Variants in ALG5 observed in about 807,000 individuals in gnomAD.
ALG5 encodes ALG5 dolichyl-phosphate beta-glucosyltransferase, also known as dolichyl-phosphate beta-glucosyltransferase.
Under a neutral mutation model 51.8 loss-of-function variants are expected in ALG5, and 26 were observed. That is an observed-to-expected ratio of 0.50 (90% CI 0.37 to 0.70). ALG5 has a LOEUF of 0.70. Among genes scored for constraint, ALG5 ranks in the 30% least tolerant of loss-of-function variants. The probability of loss-of-function intolerance (pLI) is 0.00; values close to 1 mark genes in which losing one functional copy is unlikely to be tolerated. For missense variants in ALG5, 311 were observed against 399.3 expected (o/e 0.78, Z 1.88); for synonymous variants, 141 against 136.1 (o/e 1.04, Z -0.25).
chr13:36,981,814 G>A (rs1001113447), intron 6 of ALG5, among the ~76,000 whole-genome samples: 2 of 152,184 alleles, frequency 1.3e-5, no homozygotes, highest in African/African-American at 2.4e-5. Context: ...TGGGCCAGGC[G>A]CAGTGGTTCA....
intron 6 of ALG5, among the ~76,000 whole-genome samples, chr13:36,980,942 C>A (rs2058976657): frequency 1.3e-5 from 2 of 151,950 alleles, no homozygotes; most frequent in Non-Finnish European, 2.9e-5. Context: ...CCACTGCACT[C>A]CAACCCAGGT....
chr13:36,987,224 A>G (rs2059005882), intron 5 of ALG5, among the ~76,000 whole-genome samples: 1 of 152,120 alleles, frequency 6.6e-6, no homozygotes, highest in African/African-American at 2.4e-5. Context: ...CAAACTCAAC[A>G]TAACTGCCTC....
At chr13:36,981,812 G>C (rs904138359) in intron 6 of ALG5, among the ~76,000 whole-genome samples, 13 of 152,214 alleles carry the variant, frequency 8.5e-5, no homozygotes, top group African/African-American at 3.1e-4. Context: ...ACTGGGCCAG[G>C]CGCAGTGGTT....
intron 1 of ALG5, among the ~76,000 whole-genome samples, chr13:36,996,163 C>T (rs1240379964): frequency 2.0e-5 from 3 of 152,148 alleles, no homozygotes; most frequent in African/African-American, 2.4e-5. Context: ...ACACTTAACT[C>T]GAATTTGAAT....
At chr13:36,954,096 G>A (rs1468063557) in intron 8 of ALG5, among the ~76,000 whole-genome samples, 1 of 151,260 alleles carries the variant, frequency 6.6e-6, no homozygotes, top group South Asian at 2.1e-4. Flanking sequence ...AGGGTTTTTC[G>A]GTTTGTTTTA....
chr13:36,969,854 GA>G (rs1386205246), intron 7 of ALG5, among the ~76,000 whole-genome samples: 1 of 151,974 alleles, frequency 6.6e-6, no homozygotes, highest in Non-Finnish European at 1.5e-5. Flanking sequence ...TTTCAACACA[GA>G]TAACTGTATT....
chr13:36,967,282 T>C (rs1280209541), intron 7 of ALG5, among the ~76,000 whole-genome samples: 1 of 151,696 alleles, frequency 6.6e-6, no homozygotes, highest in Non-Finnish European at 1.5e-5. Flanking sequence ...AGGAGGCCTA[T>C]ATTGGAATCC....
intron 6 of ALG5, among the ~76,000 whole-genome samples, chr13:36,978,089 T>C (rs1401184397): frequency 1.3e-5 from 2 of 151,230 alleles, no homozygotes; most frequent in East Asian, 2.0e-4. Flanking sequence ...GGTTTCACCA[T>C]GTTAGCCAGG....
intron 5 of ALG5, 134 bp from the exon 6 acceptor site, chr13:36,985,874 C>T (rs1254612157): frequency 7.9e-6 from 4 of 509,442 alleles, no homozygotes; most frequent in Non-Finnish European, 1.4e-5. Context: ...GGCCAGAGTT[C>T]ACTGAAAACA....
At chr13:36,974,018 T>C (rs934323496) in intron 6 of ALG5, among the ~76,000 whole-genome samples, 4 of 152,218 alleles carry the variant, frequency 2.6e-5, no homozygotes, top group Admixed American at 2.0e-4. Flanking sequence ...AAAATGACTT[T>C]CATAGAGTTT....
At chr13:36,980,384 G>A (rs1008930024) in intron 6 of ALG5, among the ~76,000 whole-genome samples, 3 of 151,872 alleles carry the variant, frequency 2.0e-5, no homozygotes, top group African/African-American at 4.8e-5. Context: ...ACAGGTGTGC[G>A]CTACGACACC....
intron 6 of ALG5, among the ~76,000 whole-genome samples, chr13:36,975,003 GAT>G (rs2058943570): frequency 6.6e-6 from 1 of 152,156 alleles, no homozygotes; most frequent in African/African-American, 2.4e-5. Flanking sequence ...ACAAGATCAA[GAT>G]ATCCAGATCA....
rs770743615 is a variant in ALG5, at chr13:36,999,216, T to C, written c.66+19A>G. 37 of 1,556,394 alleles carry C rather than the reference T, an allele frequency of 2.4e-5. No homozygotes were observed. Among genetic ancestry groups the C allele is most frequent in the Non-Finnish European group, 2.9e-5 (34 of 1,153,016 alleles). The stretch of plus-strand genomic sequence containing the variant: ...AGCGGTAAGCCCCGGCCTGCGCGGG[T>C]TCCCATCCCTGTTCTCACCAGTACG... On this transcript the variant is annotated intron_variant, in intron 1 of 9. Coordinates refer to ENST00000239891, the MANE Select transcript of ALG5 (RefSeq NM_013338.5).
At chr13:36,993,701 A>G in intron 3 of ALG5, 29 bp from the exon 4 acceptor site, 2 of 1,591,128 alleles carry the variant, frequency 1.3e-6, no homozygotes, top group South Asian at 1.1e-5. Flanking sequence ...AAGTAATACA[A>G]TTTGGCATAA....
intron 7 of ALG5, among the ~76,000 whole-genome samples, chr13:36,966,605 G>T (rs2058894665): frequency 6.6e-6 from 1 of 152,164 alleles, no homozygotes; most frequent in African/African-American, 2.4e-5. Flanking sequence ...AAATTCCTGG[G>T]ATCAAGTGAT....
At chr13:36,958,530 C>A (rs1054989475) in intron 8 of ALG5, among the ~76,000 whole-genome samples, 1 of 152,114 alleles carries the variant, frequency 6.6e-6, no homozygotes, top group African/African-American at 2.4e-5. Context: ...TTGATGGCAT[C>A]GAAGGCACCC....
intron 6 of ALG5, among the ~76,000 whole-genome samples, chr13:36,972,250 T>G (rs997464926): frequency 5.9e-5 from 9 of 152,152 alleles, no homozygotes; most frequent in African/African-American, 1.7e-4. Context: ...TAGAGCTAAA[T>G]ATAAGGGGCA....
intron 1 of ALG5, among the ~76,000 whole-genome samples, chr13:36,997,696 T>C (rs2059057970): frequency 1.3e-5 from 2 of 152,116 alleles, no homozygotes; most frequent in Admixed American, 6.6e-5. Context: ...GACCACTTTA[T>C]TGTGGTATTT....
intron 6 of ALG5, among the ~76,000 whole-genome samples, chr13:36,978,772 C>T (rs893457253): frequency 6.0e-5 from 9 of 151,246 alleles, no homozygotes; most frequent in Non-Finnish European, 1.0e-4. Context: ...AAAAGTTAGC[C>T]GGGCCTGGTG....
Sources: allele counts gnomAD v4.1 joint callset (sites outside exome capture counted in the v4.1 genomes callset), GRCh38; gene constraint gnomAD v4.1.1; transcripts MANE v1.5; gene names NCBI Gene and HGNC (gene_info 2026-07-23, HGNC 2026-07-21).